CDK8: variants seen among roughly 807,000 people sequenced by gnomAD.
CDK8 encodes the protein cyclin-dependent kinase 8.
CDK8 carries 29 observed loss-of-function variants against 71.5 expected under a neutral mutation model. That is an observed-to-expected ratio of 0.41 (90% CI 0.30 to 0.55). The LOEUF is 0.55. CDK8 is among the 20% of genes least tolerant of loss of function. The pLI is 0.37. For synonymous variants in CDK8, 161 were observed against 192.1 expected, an observed-to-expected ratio of 0.84 and a Z score of 1.34; for missense variants, 288 against 572.6, an observed-to-expected ratio of 0.50 and a Z score of 5.07.
chr13:26,289,911 C>A (rs1295731603), intron 1 of CDK8, among the ~76,000 whole-genome samples: 1 of 152,104 alleles, frequency 6.6e-6, no homozygotes, highest in Non-Finnish European at 1.5e-5. Flanking sequence ...TTATTTCTGA[C>A]CTAAGATCTT....
chr13:26,280,162 G>A (rs574753751), intron 1 of CDK8, among the ~76,000 whole-genome samples: 4 of 152,142 alleles, frequency 2.6e-5, no homozygotes, highest in Non-Finnish European at 5.9e-5. Context: ...ATGACAATTT[G>A]TTAAATAATT....
intron 1 of CDK8, among the ~76,000 whole-genome samples, chr13:26,299,573 A>G (rs1338150749): frequency 6.6e-6 from 1 of 152,220 alleles, no homozygotes; most frequent in East Asian, 1.9e-4. Context: ...CTAGCTACAC[A>G]GTTCACTGGC....
chr13:26,258,942 C>CTT (rs1352432630), intron 1 of CDK8, among the ~76,000 whole-genome samples: 1 of 152,116 alleles, frequency 6.6e-6, no homozygotes, highest in East Asian at 1.9e-4. Context: ...GTATTTATCT[C>CTT]TTAAGATATT....
intron 3 of CDK8, among the ~76,000 whole-genome samples, chr13:26,352,040 T>C (rs1476013155): frequency 6.6e-6 from 1 of 152,084 alleles, no homozygotes; most frequent in African/African-American, 2.4e-5. Context: ...TGAAGAAATA[T>C]ATATGAAATT....
intron 1 of CDK8, among the ~76,000 whole-genome samples, chr13:26,321,602 A>G (rs953032074): frequency 6.6e-6 from 1 of 152,168 alleles, no homozygotes; most frequent in Non-Finnish European, 1.5e-5. Flanking sequence ...TAAGCTATGT[A>G]AACTATATAA....
At chr13:26,271,513 G>T (rs1023865028) in intron 1 of CDK8, among the ~76,000 whole-genome samples, 3 of 152,048 alleles carry the variant, frequency 2.0e-5, no homozygotes, top group African/African-American at 7.2e-5. Flanking sequence ...TGGCATAAAA[G>T]GTAAAAAATG....
At chr13:26,272,221 G>A (rs140245686) in intron 1 of CDK8, among the ~76,000 whole-genome samples, 1 of 152,020 alleles carries the variant, frequency 6.6e-6, no homozygotes, top group Non-Finnish European at 1.5e-5. Context: ...GCTGGGCGTA[G>A]TGGGTCACAC....
intron 1 of CDK8, among the ~76,000 whole-genome samples, chr13:26,274,688 C>T (rs1194051365): frequency 2.0e-5 from 3 of 152,116 alleles, no homozygotes; most frequent in Non-Finnish European, 4.4e-5. Context: ...GGCTCATCCT[C>T]CCAAAATGCT....
At chr13:26,273,595 T>C (rs988798398) in intron 1 of CDK8, among the ~76,000 whole-genome samples, 2 of 151,982 alleles carry the variant, frequency 1.3e-5, no homozygotes, top group African/African-American at 4.8e-5. Context: ...AGTTTAACTT[T>C]TTCTGTGCAG....
At chr13:26,298,759 G>T (rs554069602) in intron 1 of CDK8, among the ~76,000 whole-genome samples, 5 of 152,250 alleles carry the variant, frequency 3.3e-5, no homozygotes, top group South Asian at 2.1e-4. Flanking sequence ...AATTATGCTG[G>T]TGAGAAAGGA....
chr13:26,323,486 C>G (rs891863025), intron 1 of CDK8, among the ~76,000 whole-genome samples: 12 of 152,052 alleles, frequency 7.9e-5, no homozygotes, highest in Non-Finnish European at 1.3e-4. Context: ...GGCCCATATC[C>G]AAATACCATC....
chr13:26,288,592 C>G (rs985831379), intron 1 of CDK8, among the ~76,000 whole-genome samples: 2 of 151,478 alleles, frequency 1.3e-5, no homozygotes, highest in African/African-American at 4.9e-5. Context: ...CCACCCCACC[C>G]CCCACAAACA....
At chr13:26,352,986 G>A (rs1232682876) in intron 3 of CDK8, among the ~76,000 whole-genome samples, 2 of 152,214 alleles carry the variant, frequency 1.3e-5, no homozygotes, top group African/African-American at 2.4e-5. Context: ...GTACAGTGGT[G>A]TGCAAGGCAT....
chr13:26,275,887 A>G (rs1199560726), intron 1 of CDK8, among the ~76,000 whole-genome samples: 1 of 151,640 alleles, frequency 6.6e-6, no homozygotes, highest in African/African-American at 2.4e-5. Context: ...TTTTTTTGAG[A>G]CAGTCTCACT....
intron 7 of CDK8, 37 bp downstream of exon 7, chr13:26,393,547 ACTG>A (rs750825295): frequency 3.7e-6 from 6 of 1,604,720 alleles, no homozygotes; most frequent in Non-Finnish European, 5.1e-6. Flanking sequence ...TTTTTAAATC[ACTG>A]TTGTTTGAAC....
At chr13:26,284,985 T>C (rs960725967) in intron 1 of CDK8, among the ~76,000 whole-genome samples, 6 of 149,890 alleles carry the variant, frequency 4.0e-5, no homozygotes, top group African/African-American at 1.5e-4. Context: ...ATGCCTGTAA[T>C]CCCAGCAATT....
intron 1 of CDK8, among the ~76,000 whole-genome samples, chr13:26,263,677 G>A (rs1871885078): frequency 6.6e-6 from 1 of 150,706 alleles, no homozygotes; most frequent in South Asian, 2.1e-4. Flanking sequence ...TGACCTTAGG[G>A]ATCCGCCTGC....
chr13:26,305,356 G>A (rs1230037006), intron 1 of CDK8, among the ~76,000 whole-genome samples: 2 of 152,084 alleles, frequency 1.3e-5, no homozygotes, highest in South Asian at 2.1e-4. Flanking sequence ...TTCAGGTGAT[G>A]TACTTTTTCT....
intron 1 of CDK8, among the ~76,000 whole-genome samples, chr13:26,300,023 A>C (rs886636877): frequency 2.6e-5 from 4 of 152,164 alleles, no homozygotes; most frequent in Non-Finnish European, 4.4e-5. Flanking sequence ...TTATATAATT[A>C]CAGAAAAATG....
Sources: allele counts gnomAD v4.1 joint callset (sites outside exome capture counted in the v4.1 genomes callset), GRCh38; gene constraint gnomAD v4.1.1; transcripts MANE v1.5; gene names NCBI Gene and HGNC (gene_info 2026-07-23, HGNC 2026-07-21).